The following NSMCE2 variants were observed in gnomAD, a reference collection of about 807,000 sequenced individuals.
NSMCE2 encodes the protein NSE2 SUMO ligase component of SMC5/6 complex.
In NSMCE2, 24 loss-of-function variants were observed where a neutral mutation model predicts 23.8. The observed-to-expected ratio is 1.01, with a 90% CI of 0.73 to 1.42. The LOEUF (loss-of-function observed/expected upper bound fraction) is 1.42. Ranked by LOEUF, NSMCE2 falls within the 40% of genes most tolerant of loss-of-function variation. NSMCE2 has a pLI of 0.00. For missense variants in NSMCE2, 284 were observed against 296.5 expected, an observed-to-expected ratio of 0.96 and a Z score of 0.31; for synonymous variants, 92 against 94.1, an observed-to-expected ratio of 0.98 and a Z score of 0.13.
rs1255932269 is a variant in NSMCE2, at chr8:125,164,614, T to C, written c.264+13337T>C. On this transcript the variant is annotated intron_variant, in intron 4 of 7. Coordinates refer to ENST00000287437, the MANE Select transcript of NSMCE2 (RefSeq NM_173685.4). The stretch of plus-strand genomic sequence containing the variant: ...CTATTTGAAGCAAAGAATACTGTTA[T>C]ATGTAACGGTTATATTAAAAATAAG... Among the ~76,000 whole-genome samples, 12 of 152,310 alleles carry C rather than the reference T, an allele frequency of 7.9e-5. No individual in the cohort carries two copies. The East Asian group carries it at 1.9e-3, about 24-fold the overall frequency.
intron 5 of NSMCE2, among the ~76,000 whole-genome samples, chr8:125,184,984 G>C (rs1024440262): frequency 1.3e-5 from 2 of 152,196 alleles, no homozygotes; most frequent in Non-Finnish European, 2.9e-5. Context: ...AAAGGCTGAA[G>C]TGCTTTTATG....
At chr8:125,269,398 G>C (rs1376313191) in intron 5 of NSMCE2, among the ~76,000 whole-genome samples, 3 of 152,092 alleles carry the variant, frequency 2.0e-5, no homozygotes, top group Admixed American at 1.3e-4. Context: ...CTCTTTAACT[G>C]AGTAAAAGAA....
In NSMCE2 at chr8:125,355,722, A is replaced by AC. The variant is rs1208991192; in HGVS notation, c.419-1497_419-1496insC. Among the ~76,000 whole-genome samples the AC allele has an allele frequency of 3.5e-3, 518 of 149,902 alleles. 6 individuals are homozygous for AC. The highest frequency in any genetic ancestry group is 0.012 in the African/African-American group (487 of 40,448). On this transcript the variant is annotated intron_variant, in intron 5 of 7. Transcript: ENST00000287437. Reference sequence around the variant, plus strand: ...CTCAAAAAAAAAAAAAAAAAAAAAAAGCTATTGATCTTTAACTTCTGTGCA... The same window carrying AC: ...CTCAAAAAAAAAAAAAAAAAAAAAAACGCTATTGATCTTTAACTTCTGTGCA...
At chr8:125,102,993 T>A (rs889968765) in intron 3 of NSMCE2, among the ~76,000 whole-genome samples, 1 of 152,080 alleles carries the variant, frequency 6.6e-6, no homozygotes, top group Non-Finnish European at 1.5e-5. Context: ...GCAGGCCGGG[T>A]GCAGTGGCTC....
intron 4 of NSMCE2, chr8:125,156,018 G>A (rs1280012011): frequency 1.1e-5 from 5 of 447,082 alleles, no homozygotes; most frequent in East Asian, 7.4e-5. Context: ...GGTGGCGCAC[G>A]CCTGTAGTTC....
intron 5 of NSMCE2, among the ~76,000 whole-genome samples, chr8:125,299,067 CT>C (rs1586736264): frequency 6.6e-6 from 1 of 152,160 alleles, no homozygotes; most frequent in South Asian, 2.1e-4. Context: ...TTATTTTCTT[CT>C]GTATTTGATA....
At chr8:125,210,868 G>A (rs144637320) in intron 5 of NSMCE2, among the ~76,000 whole-genome samples, 3 of 152,162 alleles carry the variant, frequency 2.0e-5, no homozygotes, top group Non-Finnish European at 4.4e-5. Context: ...CTACAGGTAT[G>A]TGCCAATATG....
intron 4 of NSMCE2, among the ~76,000 whole-genome samples, chr8:125,161,180 TTC>T (rs1166723631): frequency 6.6e-6 from 1 of 152,218 alleles, no homozygotes; most frequent in Non-Finnish European, 1.5e-5. Flanking sequence ...TTTCCATTGT[TTC>T]TCTCTCACAG....
chr8:125,337,104 A>G (rs1410021327), intron 5 of NSMCE2, among the ~76,000 whole-genome samples: 2 of 152,208 alleles, frequency 1.3e-5, no homozygotes, highest in Admixed American at 6.5e-5. Flanking sequence ...ATTTGAGAAA[A>G]TGGGGTTAGC....
chr8:125,285,574 A>G (rs572900944), intron 5 of NSMCE2, among the ~76,000 whole-genome samples: 1 of 152,202 alleles, frequency 6.6e-6, no homozygotes, highest in African/African-American at 2.4e-5. Flanking sequence ...TACTTTAAAC[A>G]TGTACATTTA....
chr8:125,182,937 C>T, intron 5 of NSMCE2: 1 of 152,100 alleles, frequency 6.6e-6, no homozygotes, highest in East Asian at 1.9e-4. Context: ...CCTTTCTTTT[C>T]CCATTCTTCC....
chr8:125,259,696 A>T (rs1373332021), intron 5 of NSMCE2, among the ~76,000 whole-genome samples: 1 of 152,208 alleles, frequency 6.6e-6, no homozygotes, highest in Non-Finnish European at 1.5e-5. Context: ...CAAATTTAAC[A>T]GTAGTAATCA....
chr8:125,305,758 T>C (rs1456275157), intron 5 of NSMCE2, among the ~76,000 whole-genome samples: 1 of 152,176 alleles, frequency 6.6e-6, no homozygotes, highest in African/African-American at 2.4e-5. Flanking sequence ...CAGTGTAATT[T>C]TTTCTGACCA....
At chr8:125,121,373 C>A (rs1482990069) in intron 3 of NSMCE2, among the ~76,000 whole-genome samples, 1 of 152,104 alleles carries the variant, frequency 6.6e-6, no homozygotes, top group East Asian at 1.9e-4. Flanking sequence ...AATACTGATT[C>A]AAACATTTAT....
intron 5 of NSMCE2, among the ~76,000 whole-genome samples, chr8:125,325,979 C>T (rs189436755): frequency 1.3e-5 from 2 of 150,760 alleles, no homozygotes; most frequent in East Asian, 3.9e-4. Context: ...TAAAAATACC[C>T]GGGCGCGGTG....
chr8:125,127,383 A>G (rs1819566517), intron 3 of NSMCE2, among the ~76,000 whole-genome samples: 1 of 152,168 alleles, frequency 6.6e-6, no homozygotes, highest in African/African-American at 2.4e-5. Flanking sequence ...TGTCTTCTTA[A>G]TAGGAAAAAA....
chr8:125,310,231 C>G (rs1013524344), intron 5 of NSMCE2, among the ~76,000 whole-genome samples: 2 of 152,180 alleles, frequency 1.3e-5, no homozygotes, highest in African/African-American at 4.8e-5. Flanking sequence ...AAATACATAA[C>G]TCAGACTAGA....
intron 5 of NSMCE2, among the ~76,000 whole-genome samples, chr8:125,193,665 A>C (rs1823467310): frequency 6.6e-6 from 1 of 152,218 alleles, no homozygotes; most frequent in African/African-American, 2.4e-5. Context: ...CATGCTTGGG[A>C]GGATATTTTC....
chr8:125,114,836 T>G (rs1818921766), intron 3 of NSMCE2, among the ~76,000 whole-genome samples: 1 of 152,230 alleles, frequency 6.6e-6, no homozygotes, highest in Admixed American at 6.5e-5. Flanking sequence ...TTAGAGAATT[T>G]TTGAAATTTG....
Sources: gnomAD v4.1 joint callset for allele counts (sites outside exome capture counted in the v4.1 genomes callset) on GRCh38, gnomAD v4.1.1 for gene constraint, MANE v1.5 for transcripts, NCBI Gene and HGNC (gene_info 2026-07-23, HGNC 2026-07-21) for gene names.